SLC9A9: variants seen among roughly 807,000 people sequenced by gnomAD.
The protein encoded by SLC9A9 is sodium/hydrogen exchanger 9.
SLC9A9 carries 62 observed loss-of-function variants against 77.8 expected under a neutral mutation model. The observed-to-expected ratio is 0.80, with a 90% CI of 0.65 to 0.98. SLC9A9 has a LOEUF of 0.98. SLC9A9 is among the 50% of genes least tolerant of loss of function. The pLI, the probability that SLC9A9 is intolerant of heterozygous loss-of-function variation, is 0.00. For missense variants in SLC9A9, 775 were observed against 774.9 expected, an observed-to-expected ratio of 1.00 and a Z score of 0.00; for synonymous variants, 320 against 283.5, an observed-to-expected ratio of 1.13 and a Z score of -1.29.
chr3:143,848,039 T>A, intron 1 of SLC9A9, 109 bp downstream of exon 1: 1 of 1,128,516 alleles, frequency 8.9e-7, no homozygotes, highest in Middle Eastern at 2.0e-4. Context: ...ACTAATGACA[T>A]TTCAATCAGC....
intron 14 of SLC9A9, among the ~76,000 whole-genome samples, chr3:143,326,691 T>C (rs2031615444): frequency 6.6e-6 from 1 of 152,236 alleles, no homozygotes; most frequent in African/African-American, 2.4e-5. Context: ...TTCTCCATTG[T>C]GGCAAATAAG....
intron 14 of SLC9A9, among the ~76,000 whole-genome samples, chr3:143,326,403 T>C (rs1053267611): frequency 1.3e-5 from 2 of 152,194 alleles, no homozygotes; most frequent in Non-Finnish European, 2.9e-5. Context: ...CTGCCGGCCC[T>C]GCGTGATCTG....
At chr3:143,405,123 C>G (rs920857900) in intron 12 of SLC9A9, among the ~76,000 whole-genome samples, 1 of 152,158 alleles carries the variant, frequency 6.6e-6, no homozygotes, top group South Asian at 2.1e-4. Context: ...CCCAGAAGGG[C>G]CTTTTTTGTC....
chr3:143,630,246 C>G (rs554664972), intron 6 of SLC9A9, among the ~76,000 whole-genome samples: 4 of 152,210 alleles, frequency 2.6e-5, no homozygotes, highest in Admixed American at 2.6e-4. Flanking sequence ...TTAAATAACT[C>G]CTTAAGCCAA....
intron 12 of SLC9A9, among the ~76,000 whole-genome samples, chr3:143,405,064 C>T (rs560734634): frequency 6.6e-6 from 1 of 152,292 alleles, no homozygotes; most frequent in East Asian, 1.9e-4. Context: ...TCAGGGGCAT[C>T]CAAGGGGGTG....
chr3:143,454,473 A>G (rs775370222), intron 12 of SLC9A9, among the ~76,000 whole-genome samples: 1 of 151,990 alleles, frequency 6.6e-6, no homozygotes, highest in Non-Finnish European at 1.5e-5. Context: ...TTGATCTATG[A>G]TCCATTTTGA....
chr3:143,325,614 T>C (rs1446419123), intron 14 of SLC9A9, among the ~76,000 whole-genome samples: 1 of 152,150 alleles, frequency 6.6e-6, no homozygotes, highest in Non-Finnish European at 1.5e-5. Context: ...GTGTTGTGCA[T>C]AGGAGAAACT....
intron 9 of SLC9A9, among the ~76,000 whole-genome samples, chr3:143,513,661 A>G (rs1323791963): frequency 6.6e-6 from 1 of 152,212 alleles, no homozygotes; most frequent in East Asian, 1.9e-4. Flanking sequence ...CATGGCAGCT[A>G]TAGCCTTGCA....
At chr3:143,699,668 G>A (rs777709818) in intron 4 of SLC9A9, among the ~76,000 whole-genome samples, 40 of 152,254 alleles carry the variant, frequency 2.6e-4, no homozygotes, top group Non-Finnish European at 4.6e-4. Flanking sequence ...CTATCCCAGC[G>A]AATAGAACTT....
intron 4 of SLC9A9, among the ~76,000 whole-genome samples, chr3:143,700,558 C>T (rs994205007): frequency 2.0e-5 from 3 of 152,092 alleles, no homozygotes; most frequent in African/African-American, 7.2e-5. Flanking sequence ...ATAGTGGTGA[C>T]CATGGGGTGA....
intron 13 of SLC9A9, among the ~76,000 whole-genome samples, chr3:143,373,911 A>G (rs933631775): frequency 1.3e-5 from 2 of 152,162 alleles, no homozygotes; most frequent in African/African-American, 4.8e-5. Flanking sequence ...TCAAAAAGCA[A>G]TAGTTGAATA....
At chr3:143,670,786 C>T (rs2039144119) in intron 5 of SLC9A9, among the ~76,000 whole-genome samples, 1 of 152,206 alleles carries the variant, frequency 6.6e-6, no homozygotes, top group Non-Finnish European at 1.5e-5. Flanking sequence ...TGGGAGCATG[C>T]TGAGAGCAGA....
intron 6 of SLC9A9, among the ~76,000 whole-genome samples, chr3:143,580,234 C>G (rs987260484): frequency 1.3e-5 from 2 of 152,174 alleles, no homozygotes; most frequent in Admixed American, 6.5e-5. Context: ...TTGACATTCT[C>G]CAGCATGTTT....
rs1339215729 is a variant in SLC9A9 at position 143,352,071 on chromosome 3, C to G, written c.1604+11413G>C. Among the ~76,000 whole-genome samples the G allele has an allele frequency of 2.0e-5, 3 of 152,186 alleles. No individual in the cohort carries two copies. The East Asian group carries it at 5.8e-4, about 29-fold the overall frequency. ...ACTTCTCTTCCTTCAGCACCCAGAGCCTGCAGTGCACACAGTCAGCCTTGG... is the reference window on the plus strand; with the variant it reads ...ACTTCTCTTCCTTCAGCACCCAGAGGCTGCAGTGCACACAGTCAGCCTTGG... On this transcript the variant is annotated intron_variant, in intron 14 of 15. Coordinates refer to ENST00000316549, the MANE Select transcript of SLC9A9 (RefSeq NM_173653.4).
chr3:143,780,547 G>A (rs1185940424), intron 4 of SLC9A9, among the ~76,000 whole-genome samples: 4 of 152,304 alleles, frequency 2.6e-5, no homozygotes, highest in Middle Eastern at 6.8e-3. Flanking sequence ...AACCTCAAGA[G>A]GGCTAATATT....
intron 2 of SLC9A9, among the ~76,000 whole-genome samples, chr3:143,826,373 A>T (rs2009300868): frequency 6.6e-6 from 1 of 152,104 alleles, no homozygotes; most frequent in Non-Finnish European, 1.5e-5. Context: ...GTGAACCCAC[A>T]TGACCAGGGT....
intron 4 of SLC9A9, among the ~76,000 whole-genome samples, chr3:143,774,126 T>A (rs1420970150): frequency 6.6e-6 from 1 of 152,190 alleles, no homozygotes; most frequent in African/African-American, 2.4e-5. Context: ...ATCAGTGAAC[T>A]AGTAAACATC....
At chr3:143,736,509 A>G (rs1340920032) in intron 4 of SLC9A9, among the ~76,000 whole-genome samples, 2 of 152,226 alleles carry the variant, frequency 1.3e-5, no homozygotes, top group Admixed American at 6.5e-5. Context: ...GCAGATGTTT[A>G]GTAAACGTTG....
chr3:143,610,843 C>CT (rs1168055443), intron 6 of SLC9A9, among the ~76,000 whole-genome samples: 1 of 152,118 alleles, frequency 6.6e-6, no homozygotes, highest in African/African-American at 2.4e-5. Context: ...CTTAGTTATC[C>CT]TACAGTGAGG....
Sources: allele counts gnomAD v4.1 joint callset (sites outside exome capture counted in the v4.1 genomes callset), GRCh38; gene constraint gnomAD v4.1.1; transcripts MANE v1.5; gene names NCBI Gene and HGNC (gene_info 2026-07-23, HGNC 2026-07-21).